Variants in CNTNAP2 observed in about 807,000 individuals in gnomAD.
The protein encoded by CNTNAP2 is contactin-associated protein-like 2.
Under a neutral mutation model 155.2 loss-of-function variants are expected in CNTNAP2, and 98 were observed. The observed-to-expected ratio is 0.63, with a 90% CI of 0.54 to 0.75. CNTNAP2 has a LOEUF of 0.75. Ranked by LOEUF, CNTNAP2 falls within the 30% of genes least tolerant of loss-of-function variation. CNTNAP2 has a pLI of 0.00. For missense variants in CNTNAP2, 1,727 were observed against 1,688.1 expected, an observed-to-expected ratio of 1.02 and a Z score of -0.40; for synonymous variants, 651 against 631.2, an observed-to-expected ratio of 1.03 and a Z score of -0.47.
rs1797668977 is a variant in CNTNAP2 at position 146,525,097 on chromosome 7, C to T, written c.98-249174C>T. On this transcript the variant is annotated intron_variant, in intron 1 of 23. Transcript: ENST00000361727. ...CAGTGGATCACAGCTATTGTTTTAG[C>T]TGAAAAAAAAACGGAATAAGTTGAT... is the stretch of plus-strand genomic sequence containing the variant. Among the ~76,000 whole-genome samples, 4 of 150,910 alleles carry T rather than the reference C, an allele frequency of 2.7e-5. No homozygotes were observed. The South Asian group carries it at 6.3e-4, about 24-fold the overall frequency.
intron 9 of CNTNAP2, among the ~76,000 whole-genome samples, chr7:147,374,112 A>G (rs1262214105): frequency 6.6e-6 from 1 of 152,030 alleles, no homozygotes; most frequent in Non-Finnish European, 1.5e-5. Context: ...TTGCATTTGG[A>G]TTGGAAACTG....
chr7:147,269,290 A>C (rs1301085657), intron 8 of CNTNAP2, among the ~76,000 whole-genome samples: 1 of 152,160 alleles, frequency 6.6e-6, no homozygotes, highest in Non-Finnish European at 1.5e-5. Flanking sequence ...AAAATGTTTT[A>C]TTTAGGCTTT....
chr7:147,099,084 G>C (rs1800604693), intron 4 of CNTNAP2, among the ~76,000 whole-genome samples: 1 of 152,076 alleles, frequency 6.6e-6, no homozygotes, highest in Non-Finnish European at 1.5e-5. Context: ...GTTTCCATGG[G>C]AAGGGATAGG....
intron 16 of CNTNAP2, among the ~76,000 whole-genome samples, chr7:148,142,643 C>A (rs1299160947): frequency 6.6e-6 from 1 of 152,186 alleles, no homozygotes; most frequent in Admixed American, 6.5e-5. Flanking sequence ...CTTCTCTTTT[C>A]TCTTATCCTG....
chr7:146,710,265 T>C (rs1281154097), intron 1 of CNTNAP2, among the ~76,000 whole-genome samples: 2 of 152,212 alleles, frequency 1.3e-5, no homozygotes, highest in Non-Finnish European at 2.9e-5. Context: ...ACAAATGTCA[T>C]GGGGATCAGA....
intron 8 of CNTNAP2, among the ~76,000 whole-genome samples, chr7:147,173,684 T>C (rs1185258901): frequency 6.6e-6 from 1 of 152,156 alleles, no homozygotes; most frequent in African/African-American, 2.4e-5. Context: ...TATTCTGAAG[T>C]AGCCAGAGTG....
At chr7:147,038,420 GAAAC>G (rs1278092103) in intron 3 of CNTNAP2, among the ~76,000 whole-genome samples, 21 of 152,236 alleles carry the variant, frequency 1.4e-4, no homozygotes, top group African/African-American at 4.6e-4. Context: ...CAGTTGCTCA[GAAAC>G]AAACAAATAA....
At chr7:147,633,968 G>A (rs947925643) in intron 12 of CNTNAP2, among the ~76,000 whole-genome samples, 11 of 152,160 alleles carry the variant, frequency 7.2e-5, no homozygotes, top group African/African-American at 2.4e-4. Context: ...CAGGTGGCAT[G>A]GATGTGGTGA....
intron 14 of CNTNAP2, among the ~76,000 whole-genome samples, chr7:147,917,171 T>C (rs974302445): frequency 6.6e-6 from 1 of 152,238 alleles, no homozygotes; most frequent in African/African-American, 2.4e-5. Flanking sequence ...TAGAATCACC[T>C]GGAAAACTTA....
chr7:146,917,283 G>T (rs986539699), intron 3 of CNTNAP2, among the ~76,000 whole-genome samples: 4 of 152,248 alleles, frequency 2.6e-5, no homozygotes, highest in Middle Eastern at 3.4e-3. Context: ...TGTATATTCT[G>T]CAGTTGTTGG....
chr7:147,996,460 C>T (rs983165825), intron 15 of CNTNAP2, among the ~76,000 whole-genome samples: 2 of 152,180 alleles, frequency 1.3e-5, no homozygotes, highest in African/African-American at 2.4e-5. Flanking sequence ...TGGGGGCAGA[C>T]AGGCCTATGC....
At chr7:147,235,474 A>G (rs1378413370) in intron 8 of CNTNAP2, among the ~76,000 whole-genome samples, 3 of 151,902 alleles carry the variant, frequency 2.0e-5, no homozygotes, top group East Asian at 1.9e-4. Flanking sequence ...CTTCCCCACT[A>G]TGAGAATGCC....
At chr7:147,559,994 C>A (rs1045896232) in intron 11 of CNTNAP2, among the ~76,000 whole-genome samples, 1 of 151,488 alleles carries the variant, frequency 6.6e-6, no homozygotes, top group African/African-American at 2.4e-5. Context: ...CATGGAGAAA[C>A]CCCGTCTCCA....
intron 3 of CNTNAP2, among the ~76,000 whole-genome samples, chr7:147,003,556 AAAATC>A (rs1298168786): frequency 6.6e-6 from 1 of 152,054 alleles, no homozygotes; most frequent in Non-Finnish European, 1.5e-5. Context: ...AATCTCAACT[AAAATC>A]AGTCAATAGA....
At chr7:146,617,503 C>T (rs1399863254) in intron 1 of CNTNAP2, among the ~76,000 whole-genome samples, 1 of 151,442 alleles carries the variant, frequency 6.6e-6, no homozygotes, top group Non-Finnish European at 1.5e-5. Flanking sequence ...TGACTCATTA[C>T]CTCTTTGGCA....
chr7:147,119,395 G>A (rs1179190904), intron 5 of CNTNAP2, among the ~76,000 whole-genome samples: 1 of 152,142 alleles, frequency 6.6e-6, no homozygotes, highest in African/African-American at 2.4e-5. Flanking sequence ...CAGCCAGGGA[G>A]AAATATCCAC....
chr7:147,893,558 G>T (rs1352809977), intron 13 of CNTNAP2, among the ~76,000 whole-genome samples: 3 of 152,124 alleles, frequency 2.0e-5, no homozygotes, highest in African/African-American at 2.4e-5. Context: ...TGATGGTAAG[G>T]ATCACAGGGA....
intron 1 of CNTNAP2, among the ~76,000 whole-genome samples, chr7:146,631,909 G>T (rs1386965480): frequency 6.6e-6 from 1 of 151,748 alleles, no homozygotes; most frequent in African/African-American, 2.4e-5. Context: ...ACTTTCTTCA[G>T]TGCCTGCTCA....
At chr7:146,224,597 A>C (rs1799262222) in intron 1 of CNTNAP2, among the ~76,000 whole-genome samples, 1 of 151,850 alleles carries the variant, frequency 6.6e-6, no homozygotes, top group African/African-American at 2.4e-5. Flanking sequence ...AATACAAAAA[A>C]AAAAAAAGTA....
Sources: gnomAD v4.1 joint callset for allele counts (sites outside exome capture counted in the v4.1 genomes callset) on GRCh38, gnomAD v4.1.1 for gene constraint, MANE v1.5 for transcripts, NCBI Gene and HGNC (gene_info 2026-07-23, HGNC 2026-07-21) for gene names.